The following SLC22A23 variants were observed in gnomAD, a reference collection of about 807,000 sequenced individuals.
SLC22A23 encodes ion transporter protein.
A neutral mutation model predicts 61.0 loss-of-function variants in SLC22A23; 26 were observed. The observed-to-expected ratio is 0.43, with a 90% CI of 0.31 to 0.59. SLC22A23 has a LOEUF of 0.59. SLC22A23 is among the 20% of genes least tolerant of loss of function. The pLI, the probability that SLC22A23 is intolerant of heterozygous loss-of-function variation, is 0.11. For missense variants in SLC22A23, 796 were observed against 934.7 expected (o/e 0.85, Z 1.94); for synonymous variants, 430 against 413.9 (o/e 1.04, Z -0.47).
chr6:3,409,446 G>GT (rs1561960573), intron 3 of SLC22A23, among the ~76,000 whole-genome samples: 1 of 152,180 alleles, frequency 6.6e-6, no homozygotes, highest in Non-Finnish European at 1.5e-5. Flanking sequence ...ACTCCTGTGC[G>GT]TGTGGTCAAA....
At chr6:3,395,961 T>C (rs1767976127) in intron 3 of SLC22A23, among the ~76,000 whole-genome samples, 1 of 152,238 alleles carries the variant, frequency 6.6e-6, no homozygotes, top group Non-Finnish European at 1.5e-5. Context: ...CGAGAACTCA[T>C]GCAAATTCCT....
chr6:3,284,251 G>C (rs1018152948), intron 8 of SLC22A23: 7 of 343,460 alleles, frequency 2.0e-5, no homozygotes, highest in Non-Finnish European at 3.8e-5. Context: ...AGCCATGCCT[G>C]GTGGGAGGGC....
Position 3,410,335 on chromosome 6 carries a change from G to A in SLC22A23, c.766C>T (p.Arg256Trp). ...ATGGAAAACAGCAGCACAGGCCGCC[G>A]GCCGACCCTGCATATGGAGAGGGAA... ...ITGCIADWVGRRPVLLFSIIF... is the reference protein window; with the variant it reads ...ITGCIADWVGWRPVLLFSIIF... Residue 256 changes from arginine (R) to tryptophan (W), a missense_variant, in exon 3 of 10, where the codon CGG becomes TGG. Transcript: ENST00000406686. The surrounding 1 kb of genome is among the most constrained non-coding windows in gnomAD (Gnocchi z 5.0). 6.2e-7 allele frequency: 1 copy of A among 1,605,568 alleles called. No homozygotes were observed. Among genetic ancestry groups the A allele is most frequent in the Non-Finnish European group, 8.5e-7 (1 of 1,176,242 alleles).
chr6:3,419,639 G>A (rs1450688429), intron 1 of SLC22A23, among the ~76,000 whole-genome samples: 1 of 152,168 alleles, frequency 6.6e-6, no homozygotes, highest in Non-Finnish European at 1.5e-5. Context: ...TGGAACCAGT[G>A]GTTGGGACAG....
chr6:3,395,951 C>T lies in SLC22A23; in HGVS notation c.913+14237G>A, dbSNP rs113720736. Among the ~76,000 whole-genome samples, 94 of 152,204 alleles carry T rather than the reference C, an allele frequency of 6.2e-4. 2 individuals are homozygous for T. The highest frequency in any genetic ancestry group is 3.4e-3 in the Middle Eastern group (1 of 294). On this transcript the variant is annotated intron_variant, in intron 3 of 9. Transcript: ENST00000406686. ...TGGTTTTATAGTTATTTGGAAGTTACGAGAACTCATGCAAATTCCTTACAA... is the reference window on the plus strand; with the variant it reads ...TGGTTTTATAGTTATTTGGAAGTTATGAGAACTCATGCAAATTCCTTACAA...
At chr6:3,296,622 C>T (rs1323847848) in intron 5 of SLC22A23, among the ~76,000 whole-genome samples, 1 of 152,206 alleles carries the variant, frequency 6.6e-6, no homozygotes, top group Admixed American at 6.5e-5. Flanking sequence ...ACCACAGATG[C>T]ACCAGCACTC....
chr6:3,343,893 T>C (rs940726330), intron 3 of SLC22A23, among the ~76,000 whole-genome samples: 10 of 152,248 alleles, frequency 6.6e-5, no homozygotes, highest in Non-Finnish European at 1.5e-4. Flanking sequence ...AGAAGGAACT[T>C]ACATTCTATA....
chr6:3,346,804 G>A (rs1407750669), intron 3 of SLC22A23, among the ~76,000 whole-genome samples: 1 of 152,140 alleles, frequency 6.6e-6, no homozygotes, highest in Non-Finnish European at 1.5e-5. Flanking sequence ...TGCCCTTGCT[G>A]ACACCCAGGA....
Position 3,404,281 on chromosome 6 carries a change from G to A in SLC22A23, c.913+5907C>T, listed in dbSNP as rs79158462. ...CTGGAAAGCCTATCTGTACATTTAG[G>A]CAATAGCTACATGTTTTCTTGCACA... On this transcript the variant is annotated intron_variant, in intron 3 of 9. Transcript: ENST00000406686. Among the ~76,000 whole-genome samples, 64 of 152,254 alleles carry A rather than the reference G, an allele frequency of 4.2e-4. No homozygotes were observed. In the East Asian group the frequency reaches 4.8e-3, roughly 11 times the overall value.
intron 4 of SLC22A23, among the ~76,000 whole-genome samples, chr6:3,300,510 C>T (rs1761522641): frequency 6.6e-6 from 1 of 152,166 alleles, no homozygotes; most frequent in South Asian, 2.1e-4. Flanking sequence ...ACACAGAAGG[C>T]TCCATCTATG....
At chr6:3,439,927 G>A (rs9328170) in intron 1 of SLC22A23, among the ~76,000 whole-genome samples, 81,328 of 151,838 alleles carry the variant, frequency 0.54, 22,237 homozygotes, top group Middle Eastern at 0.75. Context: ...TGGAGCTCTG[G>A]GGTCCCTGTG....
intron 1 of SLC22A23, chr6:3,444,713 T>C (rs1771794131): frequency 2.4e-6 from 2 of 834,688 alleles, no homozygotes; most frequent in Middle Eastern, 6.0e-4. Context: ...CGGTGACCTG[T>C]TTTGTTTTCA....
intron 5 of SLC22A23, among the ~76,000 whole-genome samples, chr6:3,294,556 G>GCCGT (rs1326336774): frequency 6.6e-6 from 1 of 152,222 alleles, no homozygotes; most frequent in East Asian, 1.9e-4. Flanking sequence ...AAGGCACAGT[G>GCCGT]CCGTGTGTGG....
intron 1 of SLC22A23, among the ~76,000 whole-genome samples, chr6:3,442,387 C>A (rs908620460): frequency 1.3e-5 from 2 of 152,162 alleles, no homozygotes; most frequent in Non-Finnish European, 2.9e-5. Context: ...GAACTGTACA[C>A]TGAAAAATGG....
intron 9 of SLC22A23, among the ~76,000 whole-genome samples, chr6:3,279,232 C>A (rs1045006105): frequency 6.6e-6 from 1 of 151,496 alleles, no homozygotes; most frequent in Admixed American, 6.6e-5. Context: ...TTGATATGGC[C>A]GGGCATGGTG....
At chr6:3,389,901 A>T (rs936401181) in intron 3 of SLC22A23, among the ~76,000 whole-genome samples, 1 of 152,268 alleles carries the variant, frequency 6.6e-6, no homozygotes, top group Non-Finnish European at 1.5e-5. Context: ...CCGGTTTCAA[A>T]GATTCGCTCT....
chr6:3,294,223 G>A (rs937323774), intron 5 of SLC22A23, among the ~76,000 whole-genome samples: 8 of 151,808 alleles, frequency 5.3e-5, no homozygotes, highest in Non-Finnish European at 1.2e-4. Context: ...CGCTTCCTCC[G>A]ATGCCTGGCA....
At chr6:3,331,592 G>A (rs925154474) in intron 3 of SLC22A23, among the ~76,000 whole-genome samples, 8 of 152,172 alleles carry the variant, frequency 5.3e-5, no homozygotes, top group Non-Finnish European at 1.2e-4. Context: ...GAGCCACAGA[G>A]TTCAGTTTCT....
intron 3 of SLC22A23, among the ~76,000 whole-genome samples, chr6:3,358,558 C>T (rs560383782): frequency 6.6e-6 from 1 of 152,018 alleles, no homozygotes; most frequent in South Asian, 2.1e-4. Flanking sequence ...CTGATGGTTG[C>T]CGGGGGTAGA....
Sources: gnomAD v4.1 joint callset for allele counts (sites outside exome capture counted in the v4.1 genomes callset) on GRCh38, gnomAD v4.1.1 for gene constraint, Gnocchi (gnomAD v3.1) non-coding constraint, MANE v1.5 for transcripts, NCBI Gene and HGNC (gene_info 2026-07-23, HGNC 2026-07-21) for gene names.